The following SND1 variants were observed in gnomAD, a reference collection of about 807,000 sequenced individuals.
SND1 encodes staphylococcal nuclease domain-containing protein 1.
In SND1, 38 loss-of-function variants were observed where a neutral mutation model predicts 121.7. The ratio of observed to expected loss-of-function variants is 0.31; its 90% confidence interval spans 0.24 to 0.41. The LOEUF (loss-of-function observed/expected upper bound fraction) is 0.41, where lower values mean the gene tolerates loss of function less well. SND1 is among the 10% of genes least tolerant of loss of function. SND1 has a pLI of 1.00. For synonymous variants in SND1, 401 were observed against 447.4 expected (o/e 0.90, Z 1.31); for missense variants, 868 against 1,184.6 (o/e 0.73, Z 3.92).
intron 10 of SND1, among the ~76,000 whole-genome samples, chr7:127,770,178 A>T (rs1217359857): frequency 6.6e-6 from 1 of 152,210 alleles, no homozygotes; most frequent in East Asian, 1.9e-4. Context: ...TCCTTAGCAC[A>T]ACTATAGAAC....
rs1424185109 is a variant in SND1 at position 128,092,419 on chromosome 7, G to A, written c.*361G>A. On this transcript the variant is annotated 3_prime_UTR_variant, in exon 24 of 24. Coordinates refer to ENST00000354725, the MANE Select transcript of SND1 (RefSeq NM_014390.4). The surrounding 1 kb of genome is among the most constrained non-coding windows in gnomAD (Gnocchi z 4.9). ...CTAACACCCAGGCTGGCCGCCAGCT[G>A]GCACCTGCCTCTATCCCAGACTGCC... The A allele has an allele frequency of 7.6e-6, 2 of 262,142 alleles. No individual in the cohort carries two copies. Among genetic ancestry groups the A allele is most frequent in the African/African-American group, 4.4e-5 (2 of 45,774 alleles). 16.2% of individuals were successfully genotyped at this position (262,142 alleles called of 1,614,324 possible).
At chr7:127,721,195 C>A in intron 9 of SND1, 92 bp from the exon 10 acceptor site, 2 of 745,284 alleles carry the variant, frequency 2.7e-6, no homozygotes. Context: ...CTATTGATCT[C>A]ACTTTCTACC....
At chr7:127,924,835 A>G (rs1192025368) in intron 14 of SND1, among the ~76,000 whole-genome samples, 2 of 152,214 alleles carry the variant, frequency 1.3e-5, no homozygotes, top group East Asian at 1.9e-4. Flanking sequence ...GCTGAAGGGG[A>G]TATCTTATAG....
intron 16 of SND1, among the ~76,000 whole-genome samples, chr7:128,040,640 T>C (rs3808057): frequency 0.13 from 19,089 of 152,164 alleles, 1,473 homozygotes; most frequent in Admixed American, 0.22. Flanking sequence ...AATTTCTGAC[T>C]AAATTAAAGA....
At chr7:128,081,950 G>T (rs759472022) in intron 18 of SND1, 19 of 535,064 alleles carry the variant, frequency 3.6e-5, no homozygotes, top group Non-Finnish European at 7.3e-5. Context: ...GTCTCTGCTG[G>T]GGTTTCTCCT....
intron 15 of SND1, among the ~76,000 whole-genome samples, chr7:127,944,703 T>A (rs1258212432): frequency 6.6e-6 from 1 of 152,186 alleles, no homozygotes; most frequent in Admixed American, 6.5e-5. Context: ...CTGCATTGAT[T>A]ACTGTAGTGC....
chr7:128,051,715 A>T (rs78172081), intron 16 of SND1, among the ~76,000 whole-genome samples: 1 of 152,294 alleles, frequency 6.6e-6, no homozygotes, highest in African/African-American at 2.4e-5. Flanking sequence ...TTCACTCGGG[A>T]TGGAAAGAAA....
intron 10 of SND1, among the ~76,000 whole-genome samples, chr7:127,760,041 C>T (rs1797274970): frequency 6.6e-6 from 1 of 152,152 alleles, no homozygotes; most frequent in Admixed American, 6.5e-5. Flanking sequence ...GTCTCTCTTA[C>T]CTGGCTTGGT....
At chr7:127,858,326 C>T (rs1435150137) in intron 12 of SND1, 2 of 1,235,288 alleles carry the variant, frequency 1.6e-6, no homozygotes, top group Non-Finnish European at 2.3e-6. Context: ...GCTCCCTTTG[C>T]CTCCTCCTCG....
intron 16 of SND1, chr7:127,998,821 C>T (rs2241291): frequency 0.7 from 107,005 of 152,164 alleles, 39,265 homozygotes; most frequent in African/African-American, 0.91. Flanking sequence ...GCTTTTAACG[C>T]CTGGAAGTAG....
chr7:128,030,714 AAGTGAG>A, intron 16 of SND1: 2 of 1,496,370 alleles, frequency 1.3e-6, no homozygotes, highest in Non-Finnish European at 1.8e-6. Flanking sequence ...ACCCCGGCTT[AAGTGAG>A]CTAGGAGCTC....
At chr7:127,881,612 T>C (rs1799791636) in intron 12 of SND1, among the ~76,000 whole-genome samples, 1 of 152,180 alleles carries the variant, frequency 6.6e-6, no homozygotes, top group African/African-American at 2.4e-5. Flanking sequence ...TACCTTTGGC[T>C]GTAAATATAA....
intron 16 of SND1, among the ~76,000 whole-genome samples, chr7:128,062,556 G>T (rs1793248354): frequency 6.6e-6 from 1 of 152,216 alleles, no homozygotes; most frequent in Non-Finnish European, 1.5e-5. Context: ...TATGAAGCAA[G>T]TAAATTGCCT....
intron 16 of SND1, among the ~76,000 whole-genome samples, chr7:128,051,135 G>A (rs1165540756): frequency 6.6e-6 from 1 of 152,202 alleles, no homozygotes; most frequent in Non-Finnish European, 1.5e-5. Flanking sequence ...GCTTCCCAGT[G>A]CAGGAGTTTT....
At chr7:128,031,346 G>A (rs1197602956) in intron 16 of SND1, among the ~76,000 whole-genome samples, 3 of 151,810 alleles carry the variant, frequency 2.0e-5, no homozygotes, top group Non-Finnish European at 4.4e-5. Context: ...GAGTGCGGGG[G>A]CGCCCCGAAG....
chr7:127,887,135 A>T (rs971324624), intron 12 of SND1, among the ~76,000 whole-genome samples: 1 of 152,056 alleles, frequency 6.6e-6, no homozygotes, highest in African/African-American at 2.4e-5. Context: ...CTGGAACTAC[A>T]GGCATGCACC....
At chr7:128,079,772 G>A (rs1483904539) in intron 17 of SND1, among the ~76,000 whole-genome samples, 1 of 152,234 alleles carries the variant, frequency 6.6e-6, no homozygotes, top group Non-Finnish European at 1.5e-5. Context: ...AGCTGAGAGA[G>A]AAGAAAGGGG....
chr7:128,012,058 T>G (rs1584736845), intron 16 of SND1, among the ~76,000 whole-genome samples: 1 of 152,214 alleles, frequency 6.6e-6, no homozygotes, highest in Non-Finnish European at 1.5e-5. Flanking sequence ...AATTTTAATG[T>G]AGAACTAAGA....
chr7:128,074,535 G>A lies in SND1; in HGVS notation c.1813G>A (p.Gly605Ser), dbSNP rs371056767. 38 of 1,613,352 alleles carry A rather than the reference G, an allele frequency of 2.4e-5. No homozygotes were observed. The highest frequency in any genetic ancestry group is 5.0e-5 in the Admixed American group (3 of 59,970). ...GGAGGTGGAGAGCATGGACAAGGCC[G>A]GCAACTTTATCGGCTGGCTGCACAT... is the stretch of plus-strand genomic sequence containing the variant. The part of the protein sequence containing the change: ...EVEVESMDKA[G>S]NFIGWLHIDG... The change falls in exon 17 of 24, where the codon GGC becomes AGC. Residue 605 changes from glycine (G) to serine (S), a missense_variant. Gly to Ser is a moderately conservative substitution (Grantham distance 56). This residue lies in a region of SND1 where 743 missense variants were observed against 1,071.3 expected (regional missense o/e 0.69). Transcript: ENST00000354725.
Sources: gnomAD v4.1 joint callset for allele counts (sites outside exome capture counted in the v4.1 genomes callset) on GRCh38, gnomAD v4.1.1 for gene constraint, gnomAD v4.1.1 regional missense constraint, Gnocchi (gnomAD v3.1) non-coding constraint, MANE v1.5 for transcripts, NCBI Gene and HGNC (gene_info 2026-07-23, HGNC 2026-07-21) for gene names.